The following SLC25A26 variants were observed in gnomAD, a reference collection of about 807,000 sequenced individuals.
SLC25A26 encodes solute carrier family 25 member 26, also known as mitochondrial S-adenosylmethionine carrier protein.
Under a neutral mutation model 37.8 loss-of-function variants are expected in SLC25A26, and 36 were observed. The observed-to-expected ratio is 0.95, with a 90% CI of 0.73 to 1.26. SLC25A26 has a LOEUF of 1.26. SLC25A26 is among the 50% of genes most tolerant of loss of function. SLC25A26 has a pLI of 0.00. For synonymous variants in SLC25A26, 129 were observed against 122.5 expected, an observed-to-expected ratio of 1.05 and a Z score of -0.35; for missense variants, 390 against 331.1, an observed-to-expected ratio of 1.18 and a Z score of -1.38.
intron 5 of SLC25A26, among the ~76,000 whole-genome samples, chr3:66,327,846 T>C (rs969192036): frequency 7.9e-5 from 12 of 152,100 alleles, no homozygotes; most frequent in African/African-American, 2.9e-4. Context: ...TGTGTTTTAA[T>C]GTCTGTTTCC....
intron 1 of SLC25A26, among the ~76,000 whole-genome samples, chr3:66,152,369 C>G (rs2070220579): frequency 6.6e-6 from 1 of 152,156 alleles, no homozygotes; most frequent in African/African-American, 2.4e-5. Context: ...GTAAGGGAAA[C>G]CCCAGATCAA....
At position 66,236,247 on chromosome 3, in the gene SLC25A26, A is replaced by G. The variant is rs548107330; in HGVS notation, c.34-297A>G. Among the ~76,000 whole-genome samples, 188 of 129,874 alleles carry G rather than the reference A, an allele frequency of 1.4e-3. 2 individuals are homozygous for G. The highest frequency in any genetic ancestry group is 7.9e-3 in the South Asian group (32 of 4,064). 85.2% of individuals were successfully genotyped at this position (129,874 alleles called of 152,430 possible). A position where few individuals can be genotyped will look rare whatever the true frequency, so the allele number is the denominator to read the frequency against. On this transcript the variant is annotated intron_variant, in intron 1 of 9. Transcript: ENST00000354883. ...TTTTTTTTTTTTGGCTTTTTGAACCATGTGAGTACTATATTAACAATGAAT... is the reference window on the plus strand; with the variant it reads ...TTTTTTTTTTTTGGCTTTTTGAACCGTGTGAGTACTATATTAACAATGAAT...
intron 1 of SLC25A26, among the ~76,000 whole-genome samples, chr3:66,189,754 T>G (rs2070900784): frequency 6.6e-6 from 1 of 152,112 alleles, no homozygotes; most frequent in Admixed American, 6.5e-5. Context: ...CTCAACCTCC[T>G]GGGCTCAAGC....
intron 5 of SLC25A26, among the ~76,000 whole-genome samples, chr3:66,279,612 ATTCT>A (rs2074270728): frequency 6.6e-6 from 1 of 152,150 alleles, no homozygotes; most frequent in Non-Finnish European, 1.5e-5. Context: ...CATTCTCATG[ATTCT>A]TTGGCCTCAA....
chr3:66,162,372 G>C (rs2070371928), intron 1 of SLC25A26, among the ~76,000 whole-genome samples: 1 of 149,842 alleles, frequency 6.7e-6, no homozygotes, highest in Admixed American at 6.6e-5. Context: ...TGGTTGGGCG[G>C]GGGAGGGGGG....
At chr3:66,346,209 C>T (rs1338927341) in intron 5 of SLC25A26, 155 bp from the exon 6 acceptor site, 1 of 153,332 alleles carries the variant, frequency 6.5e-6, no homozygotes, top group Non-Finnish European at 1.4e-5. Context: ...CACAGTTTAA[C>T]TCTTTTTCTA....
chr3:66,208,172 A>AT (rs1216524422), intron 1 of SLC25A26, among the ~76,000 whole-genome samples: 3,649 of 152,082 alleles, frequency 0.024, 136 homozygotes, highest in African/African-American at 0.084. Flanking sequence ...AAAAATCTAG[A>AT]TTTTTTTTAA....
intron 5 of SLC25A26, among the ~76,000 whole-genome samples, chr3:66,338,043 T>C (rs2107705161): frequency 6.6e-6 from 1 of 152,038 alleles, no homozygotes; most frequent in East Asian, 1.9e-4. Context: ...TTCAGTCCCA[T>C]TCTGCCTGCC....
At chr3:66,292,101 G>A (rs954706183) in intron 5 of SLC25A26, among the ~76,000 whole-genome samples, 6 of 152,060 alleles carry the variant, frequency 3.9e-5, no homozygotes, top group Admixed American at 1.3e-4. Context: ...AGTCTGTTTC[G>A]TCAGAGACTA....
intron 5 of SLC25A26, among the ~76,000 whole-genome samples, chr3:66,324,428 C>G (rs927514516): frequency 1.3e-5 from 2 of 151,964 alleles, no homozygotes; most frequent in African/African-American, 4.8e-5. Context: ...CCTTGAACAC[C>G]AGTCTTAGGT....
chr3:66,173,003 A>G lies in SLC25A26; in HGVS notation c.-354+39019A>G, dbSNP rs967039311. 6.6e-5 allele frequency among the ~76,000 whole-genome samples: 10 copies of G among 152,342 alleles called. No individual in the cohort carries two copies. The South Asian group carries it at 2.1e-3, about 32-fold the overall frequency. On this transcript the variant is annotated intron_variant, in intron 1 of 10. Coordinates refer to the SLC25A26 transcript ENST00000676754. ...TCAACATATGAATTTGGAGGCGGACACATTTCAACCCCAACAGGCTTCAAC... is the reference window on the plus strand; with the variant it reads ...TCAACATATGAATTTGGAGGCGGACGCATTTCAACCCCAACAGGCTTCAAC...
intron 5 of SLC25A26, among the ~76,000 whole-genome samples, chr3:66,306,478 T>C (rs13078983): frequency 0.17 from 25,519 of 152,034 alleles, 2,626 homozygotes; most frequent in Non-Finnish European, 0.24. Context: ...CTTTTTCTTG[T>C]CTCTCTCTTT....
intron 5 of SLC25A26, among the ~76,000 whole-genome samples, chr3:66,328,040 A>AG (rs1355012624): frequency 1.3e-5 from 2 of 152,188 alleles, no homozygotes; most frequent in Non-Finnish European, 2.9e-5. Flanking sequence ...TTTGTTAAGA[A>AG]GCAAGATGGT....
intron 6 of SLC25A26, among the ~76,000 whole-genome samples, chr3:66,355,794 T>C (rs1009246468): frequency 3.3e-5 from 5 of 152,222 alleles, no homozygotes; most frequent in African/African-American, 1.2e-4. Context: ...CGAAAATCAT[T>C]GTCTCCTGTC....
chr3:66,367,677 TAGATAGACAGAC>T (rs781390478), intron 7 of SLC25A26, among the ~76,000 whole-genome samples: 5 of 140,522 alleles, frequency 3.6e-5, no homozygotes, highest in Non-Finnish European at 5.9e-5. Context: ...GGGAGATAGA[TAGATAGACAGAC>T]AGACAGACAG....
At chr3:66,267,949 A>T (rs2073819821) in intron 5 of SLC25A26, among the ~76,000 whole-genome samples, 1 of 152,160 alleles carries the variant, frequency 6.6e-6, no homozygotes, top group South Asian at 2.1e-4. Flanking sequence ...TCTCCTTCCC[A>T]GTTCTGCTGT....
chr3:66,239,860 T>C (rs898366906), intron 2 of SLC25A26, among the ~76,000 whole-genome samples: 18 of 148,744 alleles, frequency 1.2e-4, no homozygotes, highest in Non-Finnish European at 2.7e-4. Flanking sequence ...TTAAGCTGGA[T>C]TCATTCATCT....
At chr3:66,170,320 T>C (rs2070478035) in intron 1 of SLC25A26, among the ~76,000 whole-genome samples, 1 of 152,228 alleles carries the variant, frequency 6.6e-6, no homozygotes, top group African/African-American at 2.4e-5. Context: ...TTGCTTCTAA[T>C]GTCAATCCTG....
At chr3:66,339,705 T>C (rs1284933537) in intron 5 of SLC25A26, among the ~76,000 whole-genome samples, 1 of 152,036 alleles carries the variant, frequency 6.6e-6, no homozygotes, top group Non-Finnish European at 1.5e-5. Context: ...TTAAATTCTT[T>C]GCTTTTTTAA....
Sources: gnomAD v4.1 joint callset for allele counts (sites outside exome capture counted in the v4.1 genomes callset) on GRCh38, gnomAD v4.1.1 for gene constraint, MANE v1.5 for transcripts, NCBI Gene and HGNC (gene_info 2026-07-23, HGNC 2026-07-21) for gene names.